SLC8A1: variants seen among roughly 807,000 people sequenced by gnomAD.
The protein encoded by SLC8A1 is sodium/calcium exchanger 1.
SLC8A1 carries 18 observed loss-of-function variants against 68.3 expected under a neutral mutation model. The ratio of observed to expected loss-of-function variants is 0.26; its 90% CI spans 0.18 to 0.39. The LOEUF (loss-of-function observed/expected upper bound fraction) is 0.39. Among genes scored for constraint, SLC8A1 ranks in the 10% least tolerant of loss-of-function variants. The pLI, the probability that SLC8A1 is intolerant of heterozygous loss-of-function variation, is 1.00. For synonymous variants in SLC8A1, 475 were observed against 415.5 expected, an observed-to-expected ratio of 1.14 and a Z score of -1.74; for missense variants, 985 against 1,156.7, an observed-to-expected ratio of 0.85 and a Z score of 2.15.
intron 1 of SLC8A1, among the ~76,000 whole-genome samples, chr2:40,431,767 C>A (rs1314549097): frequency 6.6e-6 from 1 of 152,030 alleles, no homozygotes; most frequent in African/African-American, 2.4e-5. Context: ...GGCTGAGAGC[C>A]ACCCCACATT....
chr2:40,146,813 C>A lies in SLC8A1; in HGVS notation c.2162-7137G>T, dbSNP rs115719647. On this transcript the variant is annotated intron_variant, in intron 6 of 7. Coordinates refer to ENST00000406785, the Ensembl canonical transcript of SLC8A1. ...AAGACACTATACAGGCCCCATTAGC[C>A]ATCCCTACCCGCTTCTTCCAAGCCA... 9.8e-3 allele frequency among the ~76,000 whole-genome samples: 1,486 copies of A among 152,246 alleles called. 24 individuals carry two copies. The highest frequency in any genetic ancestry group is 0.033 in the African/African-American group (1,372 of 41,528).
At chr2:40,131,205 A>G (rs567754304) in intron 7 of SLC8A1, among the ~76,000 whole-genome samples, 30 of 152,158 alleles carry the variant, frequency 2.0e-4, no homozygotes, top group African/African-American at 7.2e-4. Flanking sequence ...TCATACATCT[A>G]GTAAGTAGCG....
At chr2:40,375,407 AACTT>A (rs1260821404) in intron 2 of SLC8A1, among the ~76,000 whole-genome samples, 1 of 152,116 alleles carries the variant, frequency 6.6e-6, no homozygotes, top group Non-Finnish European at 1.5e-5. Context: ...TTTCCTAACA[AACTT>A]ACTTACAATA....
intron 2 of SLC8A1, among the ~76,000 whole-genome samples, chr2:40,325,761 G>A (rs1447019158): frequency 1.0e-5 from 1 of 98,494 alleles, no homozygotes; most frequent in Non-Finnish European, 1.8e-5. Flanking sequence ...GTGAAACCCT[G>A]TCTCTACTAA....
chr2:40,157,357 A>G (rs537474692), intron 6 of SLC8A1, among the ~76,000 whole-genome samples: 1 of 152,206 alleles, frequency 6.6e-6, no homozygotes, highest in East Asian at 1.9e-4. Flanking sequence ...CTTGAGGTGT[A>G]GTAATCTTCC....
chr2:40,480,309 T>A (rs1293225435), intron 1 of SLC8A1, among the ~76,000 whole-genome samples: 1 of 152,120 alleles, frequency 6.6e-6, no homozygotes, highest in East Asian at 1.9e-4. Flanking sequence ...ACCCCCATGG[T>A]GATGTATGAG....
At chr2:40,416,054 T>TAAAAAAAA (rs779668065) in intron 2 of SLC8A1, among the ~76,000 whole-genome samples, 1 of 116,248 alleles carries the variant, frequency 8.6e-6, no homozygotes, top group Non-Finnish European at 1.8e-5. Context: ...GGCTCTGTTT[T>TAAAAAAAA]AAAAAAAAAA....
At chr2:40,508,631 T>A (rs1425412654) in intron 1 of SLC8A1, among the ~76,000 whole-genome samples, 1 of 152,114 alleles carries the variant, frequency 6.6e-6, no homozygotes, top group Non-Finnish European at 1.5e-5. Flanking sequence ...CAATCCTTTA[T>A]TATAGAGAAA....
intron 2 of SLC8A1, chr2:40,254,987 C>CTAAT (rs1483929194): frequency 6.6e-6 from 1 of 151,926 alleles, no homozygotes; most frequent in Non-Finnish European, 1.5e-5. Flanking sequence ...TCGCCTGTTT[C>CTAAT]TAATTTATTT....
chr2:40,225,389 C>T (rs1188440633), intron 2 of SLC8A1, among the ~76,000 whole-genome samples: 1 of 152,074 alleles, frequency 6.6e-6, no homozygotes, highest in Non-Finnish European at 1.5e-5. Context: ...ACAGTGGGTA[C>T]CCATCTATGT....
At chr2:40,190,818 T>A (rs2051658342) in intron 2 of SLC8A1, 1 of 152,106 alleles carries the variant, frequency 6.6e-6, no homozygotes, top group African/African-American at 2.4e-5. Flanking sequence ...TATTCTCAAG[T>A]CTTCTGGGCA....
intron 2 of SLC8A1, among the ~76,000 whole-genome samples, chr2:40,216,011 G>GTTTTTTT (rs1558792895): frequency 2.1e-5 from 1 of 47,136 alleles, no homozygotes; most frequent in African/African-American, 6.9e-5. Flanking sequence ...CCCAGTGTAT[G>GTTTTTTT]CTTTTTTTTT....
chr2:40,178,918 T>G (rs1347542700), intron 2 of SLC8A1, among the ~76,000 whole-genome samples: 1 of 152,216 alleles, frequency 6.6e-6, no homozygotes, highest in African/African-American at 2.4e-5. Context: ...TTAATAGAAG[T>G]TATCTCTGAG....
At chr2:40,433,073 C>T (rs574623640) in intron 1 of SLC8A1, among the ~76,000 whole-genome samples, 1 of 152,206 alleles carries the variant, frequency 6.6e-6, no homozygotes, top group East Asian at 1.9e-4. Flanking sequence ...ATATAACTAA[C>T]CACTCCCTTC....
At chr2:40,251,485 C>G (rs541445946) in intron 2 of SLC8A1, 1 of 152,294 alleles carries the variant, frequency 6.6e-6, no homozygotes, top group East Asian at 1.9e-4. Context: ...CCATCTGTGA[C>G]CCTGAGAGAT....
chr2:40,282,576 G>T (rs995455057), intron 2 of SLC8A1, among the ~76,000 whole-genome samples: 1 of 152,110 alleles, frequency 6.6e-6, no homozygotes, highest in East Asian at 1.9e-4. Context: ...TTTCCTTTCC[G>T]TTAACTGCAA....
intron 2 of SLC8A1, chr2:40,254,835 C>A (rs974524021): frequency 6.6e-6 from 1 of 152,240 alleles, no homozygotes; most frequent in Admixed American, 6.5e-5. Context: ...AGCACTCACA[C>A]TGTGCAATTG....
chr2:40,252,867 T>C (rs1027965124), intron 2 of SLC8A1, among the ~76,000 whole-genome samples: 1 of 113,062 alleles, frequency 8.8e-6, no homozygotes, highest in African/African-American at 3.9e-5. Context: ...CACATTTGAT[T>C]CCAATAATAT....
rs151068929 is a variant in SLC8A1, at chr2:40,324,027, G to GT, written c.1808+104445dup. On this transcript the variant is annotated intron_variant, in intron 2 of 7. Transcript: ENST00000406785. ...AATTGCAATGCTTAGCAAGTTAAAG[G>GT]TGGGGGGGGGGCTGTTAACAATTAC... is the stretch of plus-strand genomic sequence containing the variant. 5.2e-3 allele frequency among the ~76,000 whole-genome samples: 785 copies of GT among 149,918 alleles called. 1 individual carries two copies. The highest frequency in any genetic ancestry group is 0.016 in the East Asian group (81 of 5,094).
Sources: allele counts gnomAD v4.1 joint callset (sites outside exome capture counted in the v4.1 genomes callset), GRCh38; gene constraint gnomAD v4.1.1; transcripts MANE v1.5; gene names NCBI Gene and HGNC (gene_info 2026-07-23, HGNC 2026-07-21).